APOOL: variants seen among roughly 807,000 people sequenced by gnomAD.
APOOL encodes the protein MICOS complex subunit MIC27.
A neutral mutation model predicts 23.1 loss-of-function variants in APOOL; 12 were observed. That is an observed-to-expected ratio of 0.52 (90% confidence interval 0.33 to 0.84). The LOEUF is 0.84. APOOL is among the 40% of genes least tolerant of loss of function. The probability of loss-of-function intolerance (pLI) is 0.02; values close to 1 mark genes in which losing one functional copy is unlikely to be tolerated. For missense variants in APOOL, 212 were observed against 199.6 expected, an observed-to-expected ratio of 1.06 and a Z score of -0.37; for synonymous variants, 77 against 69.9, an observed-to-expected ratio of 1.10 and a Z score of -0.51.
chrX:85,066,661 G>A (rs1212885026), intron 5 of APOOL, among the ~76,000 whole-genome samples: 2 of 110,794 alleles, frequency 1.8e-5, no homozygotes, highest in Non-Finnish European at 3.8e-5. Flanking sequence ...GTCCTTAGTT[G>A]ATGATTTAGT....
intron 5 of APOOL, among the ~76,000 whole-genome samples, chrX:85,061,798 G>T (rs1449109446): frequency 9.0e-6 from 1 of 111,543 alleles, no homozygotes; most frequent in Non-Finnish European, 1.9e-5. Context: ...CTTGCTAGCG[G>T]TCTATCAATT....
At chrX:85,084,744 TTTCTAA>T (rs1924231528) in intron 8 of APOOL, among the ~76,000 whole-genome samples, 1 of 111,749 alleles carries the variant, frequency 8.9e-6, no homozygotes, top group South Asian at 3.7e-4. Flanking sequence ...CAAAAGATTC[TTTCTAA>T]TTCAGGAAAT....
chrX:85,043,074 G>A (rs982983116), intron 1 of APOOL, among the ~76,000 whole-genome samples: 1 of 110,867 alleles, frequency 9.0e-6, no homozygotes, highest in Non-Finnish European at 1.9e-5. Flanking sequence ...TGAGTCTTAC[G>A]GGTAAGTTAC....
At chrX:85,046,676 T>C in intron 2 of APOOL, 126 bp downstream of exon 2, 1 of 531,776 alleles carries the variant, frequency 1.9e-6, no homozygotes, top group African/African-American at 2.4e-5. Context: ...ATATTAAAAG[T>C]TGAGAGAAAT....
At chrX:85,049,773 C>A (rs763090568) in intron 2 of APOOL, among the ~76,000 whole-genome samples, 7 of 89,560 alleles carry the variant, frequency 7.8e-5, no homozygotes, top group African/African-American at 1.6e-4. Flanking sequence ...GATGACAAAA[C>A]AAGACCGTCT....
rs1293758256 is a variant in APOOL at position 85,088,314 on chromosome X, C to CTTTTTT, written c.*637_*638insTTTTTT. ...GGTGTATGGAAAGGTGTGTTTCCCT[C>CTTTTTT]TGTTTTTTTTTTTTTTTTTTTTTTT... is the stretch of plus-strand genomic sequence containing the variant. On this transcript the variant is annotated 3_prime_UTR_variant, in exon 9 of 9. Transcript: ENST00000373173. 2.5e-4 allele frequency: 3 copies of CTTTTTT among 11,830 alleles called. No individual in the cohort carries two copies. The highest frequency in any genetic ancestry group is 3.5e-4 in the African/African-American group (1 of 2,878). 1.0% of individuals were successfully genotyped at this position (11,830 alleles called of 1,213,427 possible). A position where few individuals can be genotyped will look rare whatever the true frequency, so the allele number is the denominator to read the frequency against.
intron 1 of APOOL, among the ~76,000 whole-genome samples, chrX:85,009,176 A>G (rs920706110): frequency 4.2e-4 from 47 of 111,664 alleles, no homozygotes; most frequent in African/African-American, 1.4e-3. Flanking sequence ...TCTTCTATGT[A>G]TAATATCATG....
chrX:85,024,316 G>T (rs944620230), intron 1 of APOOL, among the ~76,000 whole-genome samples: 2 of 111,809 alleles, frequency 1.8e-5, no homozygotes, highest in African/African-American at 6.5e-5. Flanking sequence ...TGCAGCCTTG[G>T]GTATGTGCCT....
chrX:85,055,819 T>A lies in APOOL; in HGVS notation c.296-8T>A. The A allele has an allele frequency of 1.7e-6, 2 of 1,165,268 alleles. No individual in the cohort carries two copies. The highest frequency in any genetic ancestry group is 3.8e-5 in the South Asian group (2 of 52,006). ...TTATTCATGTTAATTTTTAACTGAT[T>A]TCTTGAGATGCTTATGTCTATCTGA... On this transcript the variant is annotated splice_polypyrimidine_tract_variant and splice_region_variant and intron_variant, in intron 4 of 8. Transcript: ENST00000373173.
rs997535396 is a variant in APOOL at position 85,093,123 on chromosome X, C to T, written c.*5445C>T. The T allele has an allele frequency of 5.8e-6, 6 of 1,027,905 alleles. No homozygotes were observed. Among genetic ancestry groups the T allele is most frequent in the Non-Finnish European group, 7.9e-6 (6 of 759,260 alleles). 84.7% of individuals were successfully genotyped at this position (1,027,905 alleles called of 1,213,427 possible). A position where few individuals can be genotyped will look rare whatever the true frequency, so the allele number is the denominator to read the frequency against. On this transcript the variant is annotated 3_prime_UTR_variant, in exon 9 of 9. Transcript: ENST00000373173. ...TGAGATTAATGATTTAATTTATGCC[C>T]TGTGAATATTTATTAAGAAAAGGTT...
chrX:85,065,047 T>C (rs1923398637), intron 5 of APOOL, among the ~76,000 whole-genome samples: 2 of 111,859 alleles, frequency 1.8e-5, no homozygotes. Flanking sequence ...ACTTGCTTTA[T>C]GAATCTGGGT....
chrX:85,067,478 G>A (rs933847565), intron 6 of APOOL, among the ~76,000 whole-genome samples: 125 of 111,014 alleles, frequency 1.1e-3, no homozygotes, highest in African/African-American at 3.9e-3. Context: ...GAATTTATGG[G>A]GAGAAATACT....
At chrX:85,086,825 A>G (rs376840415) in intron 8 of APOOL, among the ~76,000 whole-genome samples, 39 of 70,789 alleles carry the variant, frequency 5.5e-4, no homozygotes, top group East Asian at 1.7e-3. Context: ...TCAGCCTCCC[A>G]AGTAGCTGGG....
chrX:85,015,733 T>C, intron 1 of APOOL, among the ~76,000 whole-genome samples: 2 of 109,988 alleles, frequency 1.8e-5, no homozygotes, highest in South Asian at 7.8e-4. Context: ...CACGCACGGC[T>C]AATTTTGTAT....
intron 8 of APOOL, among the ~76,000 whole-genome samples, chrX:85,083,772 A>G (rs1924192691): frequency 8.9e-6 from 1 of 111,804 alleles, no homozygotes; most frequent in African/African-American, 3.2e-5. Context: ...TAAAATATCA[A>G]TGAGATAACA....
intron 8 of APOOL, among the ~76,000 whole-genome samples, chrX:85,084,672 T>G (rs2147669929): frequency 9.0e-6 from 1 of 111,547 alleles, no homozygotes; most frequent in Non-Finnish European, 1.9e-5. Context: ...ATCTCTGTTT[T>G]AAGTTGTGAA....
chrX:85,058,249 G>A (rs181316784), intron 5 of APOOL, among the ~76,000 whole-genome samples: 1 of 109,358 alleles, frequency 9.1e-6, no homozygotes. Flanking sequence ...ACAGGCCCCA[G>A]TGTGTGTTGT....
intron 1 of APOOL, among the ~76,000 whole-genome samples, chrX:85,021,252 C>G (rs912912798): frequency 1.4e-4 from 15 of 110,743 alleles, no homozygotes; most frequent in African/African-American, 4.9e-4. Flanking sequence ...CCCAGGCTGG[C>G]CCCAGAACCC....
At chrX:85,031,377 T>A (rs749731017) in intron 1 of APOOL, among the ~76,000 whole-genome samples, 10 of 111,450 alleles carry the variant, frequency 9.0e-5, no homozygotes, top group African/African-American at 2.6e-4. Flanking sequence ...CAAAGTCTTT[T>A]GGATATGAGA....
Sources: allele counts gnomAD v4.1 joint callset (sites outside exome capture counted in the v4.1 genomes callset), GRCh38; gene constraint gnomAD v4.1.1; transcripts MANE v1.5; gene names NCBI Gene and HGNC (gene_info 2026-07-23, HGNC 2026-07-21).